The following KCNH3 variants were observed in gnomAD, a reference collection of about 807,000 sequenced individuals.
The protein encoded by KCNH3 is potassium voltage-gated channel subfamily H member 3.
KCNH3 carries 36 observed loss-of-function variants against 95.6 expected under a neutral mutation model. The observed-to-expected ratio is 0.38, with a 90% CI of 0.29 to 0.50. The LOEUF is 0.50. Among genes scored for constraint, KCNH3 ranks in the 20% least tolerant of loss-of-function variants. The probability of loss-of-function intolerance (pLI) is 0.95; values close to 1 mark genes in which losing one functional copy is unlikely to be tolerated. For synonymous variants in KCNH3, 620 were observed against 646.3 expected (o/e 0.96, Z 0.62); for missense variants, 1,030 against 1,484.1 (o/e 0.69, Z 5.03).
chr12:49,548,871 C>T, intron 7 of KCNH3, 24 bp from the exon 8 acceptor site: 1 of 1,538,188 alleles, frequency 6.5e-7, no homozygotes, highest in Non-Finnish European at 8.8e-7. Context: ...CCTGCCTGCT[C>T]AGGCCCTGCT....
At chr12:49,548,505 G>A (rs953745573) in intron 7 of KCNH3, among the ~76,000 whole-genome samples, 8 of 152,112 alleles carry the variant, frequency 5.3e-5, no homozygotes, top group African/African-American at 2.4e-5. Context: ...GAGGAGTCCC[G>A]TTGGACAGGT....
rs201864597 is a variant in KCNH3 at position 49,544,258 on chromosome 12, C to T, written c.1065C>T (p.Tyr355=). ...CGCGGCTGGACCGGTACTCGCAGTA[C>T]AGCGCCGTGGTGCTGACACTGCTCA... is the stretch of plus-strand genomic sequence containing the variant. ...LLPRLDRYSQ[Y]SAVVLTLLMA... Residue 355 remains tyrosine (Y), a synonymous_variant, in exon 7 of 15, where the codon TAC becomes TAT. Coordinates refer to ENST00000257981, the MANE Select transcript of KCNH3 (RefSeq NM_012284.3). 149 of 1,606,280 alleles carry T rather than the reference C, an allele frequency of 9.3e-5. No individual in the cohort carries two copies. The East Asian group carries it at 3.2e-3, about 35-fold the overall frequency.
chr12:49,546,952 C>T (rs1341633125), intron 7 of KCNH3, among the ~76,000 whole-genome samples: 1 of 152,134 alleles, frequency 6.6e-6, no homozygotes, highest in Non-Finnish European at 1.5e-5. Context: ...TGGAGTGCAA[C>T]GGCGCAATCT....
chr12:49,557,672 A>G lies in KCNH3; in HGVS notation c.2971A>G (p.Thr991Ala). 6.2e-7 allele frequency: 1 copy of G among 1,613,702 alleles called. No homozygotes were observed. Among genetic ancestry groups the G allele is most frequent in the South Asian group, 1.1e-5 (1 of 91,080 alleles). ...ASQSSPWPRA[T>A]AFWTSTSDSE... ...TCAGAGCTCCCCCTGGCCTCGAGCC[A>G]CAGCTTTCTGGACCTCCACCTCAGA... is the stretch of plus-strand genomic sequence containing the variant. The change falls in exon 15 of 15, where the codon ACA becomes GCA. Residue 991 changes from threonine (T) to alanine (A), a missense_variant. Physicochemically the swap from Thr to Ala is moderately conservative, Grantham distance 58 (BLOSUM62 0). This residue lies in a region of KCNH3 where 464 missense variants were observed against 493.2 expected (regional missense o/e 0.94). Coordinates refer to ENST00000257981, the MANE Select transcript of KCNH3 (RefSeq NM_012284.3).
rs1938166414 is a variant in KCNH3 at position 49,549,079 on chromosome 12, C to T, written c.1374C>T (p.Phe458=). 2 of 1,612,696 alleles carry T rather than the reference C, an allele frequency of 1.2e-6. No homozygotes were observed. Among genetic ancestry groups the T allele is most frequent in the Non-Finnish European group, 1.7e-6 (2 of 1,179,840 alleles). ...GCGCCTACATCACCTCCCTCTACTT[C>T]GCACTCAGCAGCCTCACCAGCGTGG... ...LRSAYITSLY[F]ALSSLTSVGF... is the part of the protein sequence containing the mutation. Residue 458 remains phenylalanine, a synonymous_variant, in exon 8 of 15, where the codon TTC becomes TTT. Coordinates refer to ENST00000257981, the MANE Select transcript of KCNH3 (RefSeq NM_012284.3).
intron 7 of KCNH3, among the ~76,000 whole-genome samples, chr12:49,548,133 TGCGC>T (rs1213695749): frequency 6.8e-6 from 1 of 146,330 alleles, no homozygotes; most frequent in Non-Finnish European, 1.5e-5. Context: ...TGTGTGTGTG[TGCGC>T]GCGCACCTGT....
intron 10 of KCNH3, 140 bp downstream of exon 10, chr12:49,550,469 G>C: frequency 9.0e-7 from 1 of 1,114,784 alleles, no homozygotes. Flanking sequence ...TAGTTATGGA[G>C]TCCTGGTCAA....
intron 10 of KCNH3, among the ~76,000 whole-genome samples, chr12:49,552,189 C>T (rs770714488): frequency 1.5e-4 from 23 of 152,208 alleles, no homozygotes; most frequent in Non-Finnish European, 2.1e-4. Context: ...GAGTGGATTA[C>T]GAAACAGATG....
At chr12:49,552,390 T>C (rs1938293123) in intron 10 of KCNH3, among the ~76,000 whole-genome samples, 1 of 152,206 alleles carries the variant, frequency 6.6e-6, no homozygotes, top group South Asian at 2.1e-4. Context: ...CACCAGGACT[T>C]ATGCCACCGT....
intron 1 of KCNH3, among the ~76,000 whole-genome samples, 163 bp from the exon 2 acceptor site, chr12:49,540,736 T>C (rs932990688): frequency 6.6e-6 from 1 of 152,238 alleles, no homozygotes; most frequent in African/African-American, 2.4e-5. Context: ...GACAAACAGG[T>C]GACACACACT....
intron 10 of KCNH3, among the ~76,000 whole-genome samples, chr12:49,553,531 A>G (rs1385434985): frequency 6.6e-6 from 1 of 152,132 alleles, no homozygotes; most frequent in Non-Finnish European, 1.5e-5. Flanking sequence ...CATTAACTCT[A>G]ATTTAGCCTC....
intron 7 of KCNH3, among the ~76,000 whole-genome samples, chr12:49,546,835 G>T (rs778073478): frequency 6.6e-6 from 1 of 152,142 alleles, no homozygotes; most frequent in Non-Finnish European, 1.5e-5. Flanking sequence ...ATTTGGCTTT[G>T]GGTAGCTTCA....
Position 49,558,102 on chromosome 12 carries a change from G to A in KCNH3, c.*149G>A. ...GAGCCTGGAAGCAAAGGAGGACCTGGCTCCTGACTCTCAGAGAGGATAGGC... is the reference window on the plus strand; with the variant it reads ...GAGCCTGGAAGCAAAGGAGGACCTGACTCCTGACTCTCAGAGAGGATAGGC... On this transcript the variant is annotated 3_prime_UTR_variant, in exon 15 of 15. Coordinates refer to ENST00000257981, the MANE Select transcript of KCNH3 (RefSeq NM_012284.3). 2.3e-6 allele frequency: 2 copies of A among 856,362 alleles called. No homozygotes were observed. The highest frequency in any genetic ancestry group is 1.6e-6 in the Non-Finnish European group (1 of 615,980). The allele number at this position is 856,362 out of a possible 1,614,324, so 53.0% of individuals were successfully genotyped here. A position where few individuals can be genotyped will look rare whatever the true frequency, so the allele number is the denominator to read the frequency against.
At chr12:49,556,162 C>T (rs770190253) in intron 12 of KCNH3, 17 of 598,656 alleles carry the variant, frequency 2.8e-5, no homozygotes, top group African/African-American at 5.6e-5. Context: ...CTGCTCTGAA[C>T]TCTTGCATCT....
At position 49,549,323 on chromosome 12, in the gene KCNH3, C is replaced by T. The variant is rs1462722977; in HGVS notation, c.1469-118C>T. The T allele has an allele frequency of 1.8e-5, 26 of 1,463,810 alleles. No homozygotes were observed. The Admixed American group carries it at 4.3e-4, about 24-fold the overall frequency. The allele number at this position is 1,463,810 out of a possible 1,614,324, so 90.7% of individuals were successfully genotyped here. The stretch of plus-strand genomic sequence containing the variant: ...AGGCCGGGGGTGGGGGAGACTTCGC[C>T]CGCACAGCGGCCTTCAGGCCTTGCC... On this transcript the variant is annotated intron_variant, in intron 8 of 14. Coordinates refer to ENST00000257981, the MANE Select transcript of KCNH3 (RefSeq NM_012284.3).
chr12:49,545,845 G>C (rs1368178197), intron 7 of KCNH3, among the ~76,000 whole-genome samples: 1 of 152,120 alleles, frequency 6.6e-6, no homozygotes, highest in Non-Finnish European at 1.5e-5. Flanking sequence ...GTGTCACAGA[G>C]GACCCATTTG....
intron 5 of KCNH3, 145 bp downstream of exon 5, chr12:49,543,663 G>A (rs1008458896): frequency 8.2e-7 from 1 of 1,220,334 alleles, no homozygotes; most frequent in Non-Finnish European, 1.1e-6. Flanking sequence ...TCAGACCTAG[G>A]TTCCAAACAT....
At chr12:49,546,071 CT>C (rs941021762) in intron 7 of KCNH3, 3 of 152,196 alleles carry the variant, frequency 2.0e-5, no homozygotes, top group African/African-American at 7.2e-5. Flanking sequence ...CTCCCGCCCC[CT>C]GAAATGGGAC....
chr12:49,540,435 G>A (rs1236986093), intron 1 of KCNH3, among the ~76,000 whole-genome samples: 1 of 152,180 alleles, frequency 6.6e-6, no homozygotes, highest in African/African-American at 2.4e-5. Context: ...CAGACAGCAG[G>A]ATGTATGGTG....
Sources: gnomAD v4.1 joint callset for allele counts (sites outside exome capture counted in the v4.1 genomes callset) on GRCh38, gnomAD v4.1.1 for gene constraint, gnomAD v4.1.1 regional missense constraint, MANE v1.5 for transcripts, NCBI Gene and HGNC (gene_info 2026-07-23, HGNC 2026-07-21) for gene names.